The following SGCD variants were observed in gnomAD, a reference collection of about 807,000 sequenced individuals.
The protein encoded by SGCD is delta-sarcoglycan.
In SGCD, 18 loss-of-function variants were observed where a neutral mutation model predicts 36.6. The ratio of observed to expected loss-of-function variants is 0.49; its 90% CI spans 0.34 to 0.73. The LOEUF is 0.73. Ranked by LOEUF, SGCD falls within the 30% of genes least tolerant of loss-of-function variation. The pLI is 0.01. For synonymous variants in SGCD, 133 were observed against 130.6 expected (o/e 1.02, Z -0.12); for missense variants, 387 against 346.7 (o/e 1.12, Z -0.92).
At chr5:156,501,234 A>G (rs1001881226) in intron 3 of SGCD, among the ~76,000 whole-genome samples, 2 of 152,154 alleles carry the variant, frequency 1.3e-5, no homozygotes, top group African/African-American at 4.8e-5. Context: ...CTTTCCCAGC[A>G]CATCTAGCAC....
chr5:156,094,269 G>T (rs1561717684), intron 1 of SGCD, among the ~76,000 whole-genome samples: 1 of 152,166 alleles, frequency 6.6e-6, no homozygotes, highest in South Asian at 2.1e-4. Context: ...AGGCTGAGCT[G>T]CAGCTGCAGG....
At chr5:155,854,574 G>A in the SGCD span, among the ~76,000 whole-genome samples, 1 of 151,876 alleles carries the variant, frequency 6.6e-6, no homozygotes, top group Non-Finnish European at 1.5e-5. Flanking sequence ...TCAACTTGTT[G>A]GACCAAATGT....
At chr5:156,185,089 T>C (rs1763702924) in intron 3 of SGCD, among the ~76,000 whole-genome samples, 1 of 152,308 alleles carries the variant, frequency 6.6e-6, no homozygotes, top group Non-Finnish European at 1.5e-5. Context: ...TCTGAGTTAT[T>C]TGAATTCTAA....
chr5:156,215,017 C>G (rs1764537745), intron 3 of SGCD, among the ~76,000 whole-genome samples: 1 of 151,954 alleles, frequency 6.6e-6, no homozygotes, highest in Admixed American at 6.6e-5. Flanking sequence ...ATCCCAAATC[C>G]AAAATCTGAA....
intron 1 of SGCD, among the ~76,000 whole-genome samples, chr5:155,930,240 TAA>T (rs1469186471): frequency 2.0e-5 from 3 of 152,350 alleles, no homozygotes; most frequent in Non-Finnish European, 2.9e-5. Flanking sequence ...CTGTACAACT[TAA>T]AGAGTCCTTT....
chr5:156,615,841 G>C (rs1041937817), intron 6 of SGCD, among the ~76,000 whole-genome samples: 2 of 152,196 alleles, frequency 1.3e-5, no homozygotes, highest in Admixed American at 1.3e-4. Flanking sequence ...TAGTGGGAGA[G>C]AGAGAGTTTA....
chr5:155,783,650 T>C, the SGCD span, among the ~76,000 whole-genome samples: 10 of 152,294 alleles, frequency 6.6e-5, no homozygotes, highest in Admixed American at 2.6e-4. Flanking sequence ...TAAAAGAGAT[T>C]AATTGTCCTC....
At chr5:156,088,450 T>A (rs1218193908) in intron 1 of SGCD, among the ~76,000 whole-genome samples, 4 of 152,078 alleles carry the variant, frequency 2.6e-5, no homozygotes, top group Admixed American at 1.3e-4. Flanking sequence ...GGCCAGGCAT[T>A]TTCCTGTGTA....
chr5:155,910,927 C>T (rs1430636567), intron 1 of SGCD, among the ~76,000 whole-genome samples: 2 of 152,102 alleles, frequency 1.3e-5, no homozygotes, highest in African/African-American at 4.8e-5. Flanking sequence ...ATATCTTCTG[C>T]ATGAAAATTG....
At chr5:156,144,300 G>C (rs977674465) in intron 3 of SGCD, among the ~76,000 whole-genome samples, 2 of 152,002 alleles carry the variant, frequency 1.3e-5, no homozygotes, top group African/African-American at 2.4e-5. Context: ...CTAGATCCCT[G>C]AGGAATCGCC....
intron 4 of SGCD, among the ~76,000 whole-genome samples, chr5:156,567,899 G>A (rs1304086126): frequency 2.0e-5 from 3 of 152,190 alleles, no homozygotes; most frequent in African/African-American, 7.2e-5. Flanking sequence ...GTCAACAACA[G>A]TGGCTAACAT....
At chr5:156,175,176 A>G (rs545322813) in intron 3 of SGCD, among the ~76,000 whole-genome samples, 1 of 152,310 alleles carries the variant, frequency 6.6e-6, no homozygotes, top group South Asian at 2.1e-4. Context: ...AAGAGACTGT[A>G]AAAATAACCA....
At chr5:155,881,563 C>T (rs1755886664) in intron 1 of SGCD, among the ~76,000 whole-genome samples, 1 of 152,182 alleles carries the variant, frequency 6.6e-6, no homozygotes, top group South Asian at 2.1e-4. Context: ...TAGCTGCTGA[C>T]TGATCAGAAT....
chr5:156,072,278 C>G (rs1231314723), intron 1 of SGCD, among the ~76,000 whole-genome samples: 1 of 151,990 alleles, frequency 6.6e-6, no homozygotes, highest in Non-Finnish European at 1.5e-5. Flanking sequence ...CCAGTTGTTC[C>G]TTTCCATGTT....
At chr5:156,756,849 C>G (rs527668871) in intron 7 of SGCD, among the ~76,000 whole-genome samples, 12 of 152,282 alleles carry the variant, frequency 7.9e-5, no homozygotes, top group African/African-American at 2.2e-4. Context: ...CCCTCCCAGC[C>G]CCTGGCAACC....
At chr5:156,372,900 A>C (rs962511077) in intron 3 of SGCD, among the ~76,000 whole-genome samples, 1 of 151,780 alleles carries the variant, frequency 6.6e-6, no homozygotes, top group Non-Finnish European at 1.5e-5. Flanking sequence ...TATTCTCTTC[A>C]GGTCTTTCTA....
At chr5:156,571,791 G>T (rs1759735484) in intron 4 of SGCD, among the ~76,000 whole-genome samples, 1 of 152,206 alleles carries the variant, frequency 6.6e-6, no homozygotes, top group South Asian at 2.1e-4. Flanking sequence ...CATGTTAACT[G>T]AAGTGTATAA....
intron 1 of SGCD, among the ~76,000 whole-genome samples, chr5:156,033,266 A>G (rs1343801115): frequency 6.6e-6 from 1 of 152,178 alleles, no homozygotes; most frequent in African/African-American, 2.4e-5. Context: ...TTTAGGGGAT[A>G]CAAGTGCAGG....
intron 7 of SGCD, among the ~76,000 whole-genome samples, chr5:156,732,990 C>T (rs283098): frequency 0.8 from 121,068 of 151,960 alleles, 48,465 homozygotes; most frequent in South Asian, 0.85. Context: ...TAGCAGTCTA[C>T]CTATGTTATT....
Sources: gnomAD v4.1 joint callset for allele counts (sites outside exome capture counted in the v4.1 genomes callset) on GRCh38, gnomAD v4.1.1 for gene constraint, MANE v1.5 for transcripts, NCBI Gene and HGNC (gene_info 2026-07-23, HGNC 2026-07-21) for gene names.